Variants in CFAP70 observed in about 807,000 individuals in gnomAD.
CFAP70 encodes the protein cilia- and flagella-associated protein 70.
Under a neutral mutation model 137.6 loss-of-function variants are expected in CFAP70, and 81 were observed. The observed-to-expected ratio is 0.59, with a 90% CI of 0.49 to 0.71. The LOEUF is 0.71. CFAP70 is among the 30% of genes least tolerant of loss of function. The pLI, the probability that CFAP70 is intolerant of heterozygous loss-of-function variation, is 0.00. For missense variants in CFAP70, 976 were observed against 1,226.7 expected (o/e 0.80, Z 3.05); for synonymous variants, 382 against 423.6 (o/e 0.90, Z 1.20).
chr10:73,270,290 A>T (rs1327898101), intron 24 of CFAP70, among the ~76,000 whole-genome samples: 1 of 151,964 alleles, frequency 6.6e-6, no homozygotes, highest in Non-Finnish European at 1.5e-5. Context: ...GGCACGTGGA[A>T]ATTGTTGCTG....
intron 17 of CFAP70, 26 bp downstream of exon 18, chr10:73,291,855 A>C (rs1259982494): frequency 1.9e-6 from 3 of 1,613,860 alleles, no homozygotes; most frequent in Non-Finnish European, 2.5e-6. Flanking sequence ...CTTCCCACTG[A>C]TTCCTCATCT....
chr10:73,330,242 G>A (rs1305563415), intron 8 of CFAP70, among the ~76,000 whole-genome samples: 1 of 151,930 alleles, frequency 6.6e-6, no homozygotes, highest in Non-Finnish European at 1.5e-5. Flanking sequence ...ATGAGGTCAG[G>A]AGTTCGAGAC....
intron 4 of CFAP70, 82 bp from the exon 5 acceptor site, chr10:73,348,317 T>G (rs776089758): frequency 1.3e-6 from 2 of 1,551,258 alleles, no homozygotes; most frequent in African/African-American, 2.7e-5. Context: ...GTGCCTACTT[T>G]TCCCCTCAAA....
At chr10:73,354,496 G>T (rs1399634064) in intron 2 of CFAP70, among the ~76,000 whole-genome samples, 1 of 152,092 alleles carries the variant, frequency 6.6e-6, no homozygotes, top group Non-Finnish European at 1.5e-5. Flanking sequence ...CTGCTGTCTA[G>T]GGAAACTAAA....
At chr10:73,254,278 A>C in intron 26 of CFAP70, 1 of 361,104 alleles carries the variant, frequency 2.8e-6, no homozygotes, top group African/African-American at 2.1e-5. Context: ...ATCAAGCACT[A>C]TGCACGGTCA....
rs542780414 is a variant in CFAP70 at position 73,313,534 on chromosome 10, C to A, written c.913-891G>T. Among the ~76,000 whole-genome samples, 645 of 138,706 alleles carry A rather than the reference C, an allele frequency of 4.7e-3. 3 individuals carry two copies. The highest frequency in any genetic ancestry group is 7.5e-3 in the Middle Eastern group (2 of 268). The allele number at this position is 138,706 out of a possible 152,430, so 91.0% of individuals were successfully genotyped here. A position where few individuals can be genotyped will look rare whatever the true frequency, so the allele number is the denominator to read the frequency against. On this transcript the variant is annotated intron_variant, in intron 9 of 26. Transcript: ENST00000310715. ...TTCCAGCCTGGGCTACACAGCAAGA[C>A]TCTGTCTCAAAAAAAAAAAAAAAAA...
chr10:73,306,136 T>C (rs1034673339), intron 12 of CFAP70, among the ~76,000 whole-genome samples: 1 of 151,942 alleles, frequency 6.6e-6, no homozygotes, highest in African/African-American at 2.4e-5. Context: ...AATAATTCAG[T>C]CTGAGGAACA....
intron 3 of CFAP70, among the ~76,000 whole-genome samples, chr10:73,350,971 GTATGTGTGTGTGTATATA>G (rs2054150493): frequency 1.4e-5 from 2 of 147,098 alleles, no homozygotes; most frequent in African/African-American, 2.5e-5. Context: ...GTGTGTATAT[GTATGTGTGTGTGTATATA>G]TATGTGTGTA....
chr10:73,313,154 C>T (rs1165047707), intron 9 of CFAP70, among the ~76,000 whole-genome samples: 1 of 151,208 alleles, frequency 6.6e-6, no homozygotes, highest in Non-Finnish European at 1.5e-5. Context: ...ATGTGGATCA[C>T]GAGGTCAGGA....
chr10:73,275,383 G>A lies in CFAP70; in HGVS notation c.2673+63C>T. 2.7e-6 allele frequency: 4 copies of A among 1,504,588 alleles called. No individual in the cohort carries two copies. The highest frequency in any genetic ancestry group is 3.6e-6 in the Non-Finnish European group (4 of 1,123,822). 93.2% of individuals were successfully genotyped at this position (1,504,588 alleles called of 1,614,324 possible). ...TCACCAGAAATCTACGTGTGATATG[G>A]CATCACCACCTTTAAATAAAGCCCC... On this transcript the variant is annotated intron_variant, in intron 22 of 26. Coordinates refer to ENST00000310715, the Ensembl canonical transcript of CFAP70. This position sits in a 1 kb window ranked among gnomAD's most constrained non-coding sequence, Gnocchi z 4.0.
intron 20 of CFAP70, among the ~76,000 whole-genome samples, chr10:73,277,669 C>T (rs1372913027): frequency 4.0e-5 from 6 of 151,412 alleles, no homozygotes; most frequent in African/African-American, 7.3e-5. Context: ...GCCGAGATTG[C>T]GCCACTGCAC....
Position 73,327,287 on chromosome 10 carries a change from AC to A in CFAP70, c.777+3889del, listed in dbSNP as rs1230113457. Reference sequence around the variant, plus strand: ...AAAAGGCCTTTGACAAAATTCAACAACCCTTCATGCTAAAAACTCTCAATAA... The same window carrying A: ...AAAAGGCCTTTGACAAAATTCAACAACCTTCATGCTAAAAACTCTCAATAA... On this transcript the variant is annotated intron_variant, in intron 8 of 26. Coordinates refer to ENST00000310715, the Ensembl canonical transcript of CFAP70. Among the ~76,000 whole-genome samples the A allele has an allele frequency of 2.2e-4, 33 of 150,272 alleles. No homozygotes were observed. In the East Asian group the frequency reaches 5.1e-3, roughly 23 times the overall value.
chr10:73,360,780 C>T (rs1486537467), upstream of CFAP70, among the ~76,000 whole-genome samples: 1 of 152,168 alleles, frequency 6.6e-6, no homozygotes, highest in Non-Finnish European at 1.5e-5. Context: ...AGCTATCCCA[C>T]TTGCAAATGA....
exon 14 of CFAP70, chr10:73,299,026 T>C: frequency 6.2e-7 from 1 of 1,614,034 alleles, no homozygotes; most frequent in African/African-American, 1.3e-5. Flanking sequence ...GCCACCTGTT[T>C]TCCAAACATT....
At chr10:73,331,323 T>C in intron 7 of CFAP70, 47 bp from the exon 9 acceptor site, 2 of 1,474,052 alleles carry the variant, frequency 1.4e-6, no homozygotes, top group Non-Finnish European at 1.9e-6. Flanking sequence ...AAAAATAAAG[T>C]CAGTATAATT....
chr10:73,291,842 T>C lies in CFAP70; in HGVS notation c.1904+39A>G, dbSNP rs764019889. 2.5e-6 allele frequency: 4 copies of C among 1,613,850 alleles called. No individual in the cohort carries two copies. In the South Asian group the frequency reaches 4.4e-5, roughly 18 times the overall value. ...ACAATTTCACGTAGAAACTTATCTG[T>C]TCCTTCCCACTGATTCCTCATCTCC... On this transcript the variant is annotated intron_variant, in intron 17 of 26. Coordinates refer to ENST00000310715, the Ensembl canonical transcript of CFAP70.
chr10:73,262,970 A>G (rs2045409889), intron 25 of CFAP70, among the ~76,000 whole-genome samples: 1 of 152,220 alleles, frequency 6.6e-6, no homozygotes, highest in Admixed American at 6.5e-5. Context: ...AATCAAGGAT[A>G]TTCTCCTCTA....
intron 24 of CFAP70, among the ~76,000 whole-genome samples, chr10:73,271,348 C>T (rs368076204): frequency 1.3e-5 from 2 of 152,104 alleles, no homozygotes; most frequent in Non-Finnish European, 2.9e-5. Flanking sequence ...CCTGTGACTA[C>T]TAAAAACACA....
intron 3 of CFAP70, among the ~76,000 whole-genome samples, chr10:73,352,209 G>C (rs1316033501): frequency 6.6e-6 from 1 of 152,186 alleles, no homozygotes; most frequent in African/African-American, 2.4e-5. Flanking sequence ...GGGTGGGAAG[G>C]GGACTCATTA....
Sources: gnomAD v4.1 joint callset for allele counts (sites outside exome capture counted in the v4.1 genomes callset) on GRCh38, gnomAD v4.1.1 for gene constraint, Gnocchi (gnomAD v3.1) non-coding constraint, MANE v1.5 for transcripts, NCBI Gene and HGNC (gene_info 2026-07-23, HGNC 2026-07-21) for gene names.